The following RBFOX1 variants were observed in gnomAD, a reference collection of about 807,000 sequenced individuals.
The protein encoded by RBFOX1 is RNA binding protein fox-1 homolog 1.
RBFOX1 carries 8 observed loss-of-function variants against 57.7 expected under a neutral mutation model. That is an observed-to-expected ratio of 0.14 (90% CI 0.08 to 0.25). The LOEUF (loss-of-function observed/expected upper bound fraction) is 0.25. RBFOX1 is among the 10% of genes least tolerant of loss of function. The probability of loss-of-function intolerance (pLI) is 1.00; values close to 1 mark genes in which losing one functional copy is unlikely to be tolerated. For missense variants in RBFOX1, 611 were observed against 548.5 expected (o/e 1.11, Z -1.14); for synonymous variants, 326 against 222.4 (o/e 1.47, Z -4.15).
At chr16:5,908,157 CAT>C (rs201200860) in intron 4 of RBFOX1, among the ~76,000 whole-genome samples, 1,427 of 122,802 alleles carry the variant, frequency 0.012, 46 homozygotes, top group African/African-American at 0.038. Context: ...CATATATACA[CAT>C]ATATATACAC....
At chr16:7,253,493 C>A (rs1250830956) in intron 4 of RBFOX1, among the ~76,000 whole-genome samples, 2 of 152,162 alleles carry the variant, frequency 1.3e-5, no homozygotes, top group African/African-American at 4.8e-5. Context: ...ATCTATACAT[C>A]ATTGACCTTG....
At chr16:6,844,975 A>G (rs1304868647) in intron 3 of RBFOX1, among the ~76,000 whole-genome samples, 3 of 152,122 alleles carry the variant, frequency 2.0e-5, no homozygotes, top group African/African-American at 7.2e-5. Flanking sequence ...GGCCGCATGT[A>G]TGTCTTCTTT....
chr16:7,293,203 C>T (rs751063162), intron 4 of RBFOX1, among the ~76,000 whole-genome samples: 2 of 152,188 alleles, frequency 1.3e-5, no homozygotes, highest in Admixed American at 6.6e-5. Flanking sequence ...CATGTGCAGA[C>T]ACTTTTTTCC....
chr16:6,911,430 C>T (rs528711464), intron 3 of RBFOX1, among the ~76,000 whole-genome samples: 17 of 152,218 alleles, frequency 1.1e-4, no homozygotes, highest in Non-Finnish European at 2.9e-5. Flanking sequence ...TTGCTGGCAA[C>T]GCATGGTGCT....
At chr16:6,638,077 A>G (rs1450195529) in intron 2 of RBFOX1, among the ~76,000 whole-genome samples, 3 of 152,148 alleles carry the variant, frequency 2.0e-5, no homozygotes, top group East Asian at 3.9e-4. Flanking sequence ...CTCTCTCCCA[A>G]CAAAATATCT....
intron 1 of RBFOX1, among the ~76,000 whole-genome samples, chr16:5,312,028 CACCTAAT>C (rs2064104597): frequency 6.6e-6 from 1 of 152,220 alleles, no homozygotes; most frequent in South Asian, 2.1e-4. Context: ...CTTCAGATAG[CACCTAAT>C]ACCTAGAAGG....
chr16:6,280,943 C>G (rs1476151478), intron 1 of RBFOX1, among the ~76,000 whole-genome samples: 1 of 149,044 alleles, frequency 6.7e-6, no homozygotes, highest in African/African-American at 2.5e-5. Flanking sequence ...GCTAGCAATG[C>G]TAGCAACATA....
chr16:6,895,198 G>C (rs2066461473), intron 3 of RBFOX1, among the ~76,000 whole-genome samples: 1 of 151,756 alleles, frequency 6.6e-6, no homozygotes, highest in South Asian at 2.1e-4. Flanking sequence ...TGATGTTCTA[G>C]GAATTAAAGA....
intron 3 of RBFOX1, among the ~76,000 whole-genome samples, chr16:7,020,616 G>T (rs536839436): frequency 6.6e-6 from 1 of 152,166 alleles, no homozygotes; most frequent in Admixed American, 6.5e-5. Flanking sequence ...CAGAAGATCA[G>T]ACATGTCCAC....
chr16:5,603,090 G>A (rs1229896304), downstream of RBFOX1, among the ~76,000 whole-genome samples: 2 of 152,124 alleles, frequency 1.3e-5, no homozygotes, highest in East Asian at 3.9e-4. Context: ...CCTACTCACT[G>A]CCCTGTGGCA....
At chr16:7,621,495 C>T (rs991278728) in intron 10 of RBFOX1, among the ~76,000 whole-genome samples, 2 of 152,134 alleles carry the variant, frequency 1.3e-5, no homozygotes, top group Non-Finnish European at 2.9e-5. Flanking sequence ...CTCCTGGCCT[C>T]AAGTGATCCT....
chr16:7,122,648 A>G (rs2067452292), intron 4 of RBFOX1, among the ~76,000 whole-genome samples: 2 of 152,174 alleles, frequency 1.3e-5, no homozygotes. Context: ...AGACATTCTT[A>G]AAACATTTTG....
At chr16:6,652,246 C>T (rs368784788) in intron 2 of RBFOX1, among the ~76,000 whole-genome samples, 1 of 152,044 alleles carries the variant, frequency 6.6e-6, no homozygotes, top group Admixed American at 6.6e-5. Context: ...GTCAAGAGAT[C>T]GAGAGCATCC....
intron 3 of RBFOX1, among the ~76,000 whole-genome samples, chr16:5,687,963 G>T (rs1156624071): frequency 6.6e-6 from 1 of 152,144 alleles, no homozygotes. Context: ...TTAACTCACA[G>T]TTGTGTAATT....
intron 1 of RBFOX1, among the ~76,000 whole-genome samples, chr16:5,424,373 G>A (rs950046853): frequency 2.0e-5 from 3 of 152,174 alleles, no homozygotes; most frequent in Admixed American, 1.3e-4. Flanking sequence ...AAGACTGGGC[G>A]AGCTCCATCA....
intron 4 of RBFOX1, among the ~76,000 whole-genome samples, chr16:5,962,026 C>A (rs1359428564): frequency 6.6e-6 from 1 of 152,176 alleles, no homozygotes. Flanking sequence ...ATCCGTTATG[C>A]ATCCATGGCT....
chr16:6,880,153 T>A (rs895714284), intron 3 of RBFOX1, among the ~76,000 whole-genome samples: 1 of 152,280 alleles, frequency 6.6e-6, no homozygotes, highest in African/African-American at 2.4e-5. Flanking sequence ...TGCACAGTTC[T>A]CTAATCATGG....
chr16:7,215,236 C>T (rs1202102762), intron 4 of RBFOX1, among the ~76,000 whole-genome samples: 1 of 152,212 alleles, frequency 6.6e-6, no homozygotes, highest in Non-Finnish European at 1.5e-5. Context: ...TAAATTAGTT[C>T]AACCACTGTG....
chr16:7,408,174 C>T (rs933309918), intron 4 of RBFOX1, among the ~76,000 whole-genome samples: 1 of 152,134 alleles, frequency 6.6e-6, no homozygotes, highest in Admixed American at 6.5e-5. Context: ...TTGTGACAAC[C>T]TCCTATTGAA....
Sources: gnomAD v4.1 joint callset for allele counts (sites outside exome capture counted in the v4.1 genomes callset) on GRCh38, gnomAD v4.1.1 for gene constraint, MANE v1.5 for transcripts, NCBI Gene and HGNC (gene_info 2026-07-23, HGNC 2026-07-21) for gene names.